Variants in FSTL5 observed in about 807,000 individuals in gnomAD.
FSTL5 encodes the protein follistatin like 5.
In FSTL5, 62 loss-of-function variants were observed where a neutral mutation model predicts 89.1. That is an observed-to-expected ratio of 0.70 (90% CI 0.57 to 0.86). The LOEUF is 0.86. Ranked by LOEUF, FSTL5 falls within the 40% of genes least tolerant of loss-of-function variation. The pLI is 0.00. For synonymous variants in FSTL5, 383 were observed against 346.2 expected (o/e 1.11, Z -1.18); for missense variants, 1,057 against 1,001.6 (o/e 1.06, Z -0.75).
intron 2 of FSTL5, among the ~76,000 whole-genome samples, chr4:162,057,963 T>C (rs540614996): frequency 1.3e-5 from 2 of 151,868 alleles, no homozygotes; most frequent in South Asian, 4.2e-4. Flanking sequence ...AAAATAATAA[T>C]AATAATAATT....
intron 12 of FSTL5, among the ~76,000 whole-genome samples, chr4:161,488,576 T>C (rs1017163691): frequency 1.2e-4 from 18 of 152,116 alleles, no homozygotes; most frequent in African/African-American, 4.3e-4. Flanking sequence ...TGCACTTATA[T>C]TATCTGTGCA....
chr4:161,564,075 T>C (rs1732711732), intron 8 of FSTL5, among the ~76,000 whole-genome samples: 1 of 151,886 alleles, frequency 6.6e-6, no homozygotes, highest in Non-Finnish European at 1.5e-5. Context: ...TATAAACATT[T>C]GATATTAATT....
chr4:161,602,385 T>C (rs983623732), intron 7 of FSTL5, among the ~76,000 whole-genome samples: 5 of 151,872 alleles, frequency 3.3e-5, no homozygotes, highest in African/African-American at 9.7e-5. Context: ...TGAATGGACA[T>C]TATTGAAACT....
intron 4 of FSTL5, among the ~76,000 whole-genome samples, chr4:161,868,971 C>T (rs1200467659): frequency 6.6e-6 from 1 of 152,086 alleles, no homozygotes; most frequent in African/African-American, 2.4e-5. Context: ...CCAGTAATCC[C>T]AGCAATTTGG....
intron 6 of FSTL5, among the ~76,000 whole-genome samples, chr4:161,693,020 C>G (rs1738000415): frequency 6.6e-6 from 1 of 152,126 alleles, no homozygotes; most frequent in Non-Finnish European, 1.5e-5. Context: ...CTACGCCCAG[C>G]CACTTGTATC....
At chr4:161,765,064 T>A (rs1268407532) in intron 5 of FSTL5, among the ~76,000 whole-genome samples, 1 of 152,192 alleles carries the variant, frequency 6.6e-6, no homozygotes, top group Non-Finnish European at 1.5e-5. Flanking sequence ...CTTTAGCTAA[T>A]GGCAGGGAAA....
intron 4 of FSTL5, among the ~76,000 whole-genome samples, chr4:161,854,555 T>C (rs1731661467): frequency 6.6e-6 from 1 of 152,168 alleles, no homozygotes; most frequent in African/African-American, 2.4e-5. Context: ...TGATTATCCA[T>C]AGGGATTACT....
intron 13 of FSTL5, among the ~76,000 whole-genome samples, chr4:161,471,889 T>C (rs1202035510): frequency 2.0e-5 from 3 of 152,188 alleles, no homozygotes; most frequent in African/African-American, 7.2e-5. Flanking sequence ...ATTGGTATAA[T>C]AGTAATGGCC....
At chr4:161,550,620 A>T (rs1198147753) in intron 8 of FSTL5, among the ~76,000 whole-genome samples, 1 of 150,888 alleles carries the variant, frequency 6.6e-6, no homozygotes, top group Non-Finnish European at 1.5e-5. Context: ...TTTAGGGTAC[A>T]TGAGCACATT....
At chr4:161,724,335 C>T (rs998743675) in intron 6 of FSTL5, among the ~76,000 whole-genome samples, 1 of 151,976 alleles carries the variant, frequency 6.6e-6, no homozygotes, top group Non-Finnish European at 1.5e-5. Flanking sequence ...AAAAAGATCT[C>T]CTGGAACTAA....
intron 4 of FSTL5, among the ~76,000 whole-genome samples, chr4:161,918,466 G>A (rs1733898263): frequency 6.6e-6 from 1 of 151,926 alleles, no homozygotes; most frequent in East Asian, 1.9e-4. Flanking sequence ...AATATGTTTG[G>A]TATAAGCTCA....
intron 3 of FSTL5, among the ~76,000 whole-genome samples, chr4:161,991,580 A>G (rs1736113346): frequency 6.6e-6 from 1 of 152,200 alleles, no homozygotes; most frequent in African/African-American, 2.4e-5. Context: ...TGACTTATAC[A>G]GGGATTCTTT....
intron 6 of FSTL5, among the ~76,000 whole-genome samples, chr4:161,728,628 C>G (rs1739502755): frequency 6.6e-6 from 1 of 151,936 alleles, no homozygotes; most frequent in Admixed American, 6.6e-5. Context: ...CAATATTCAA[C>G]CCTAATACTG....
At chr4:161,854,796 T>C (rs1181629739) in intron 4 of FSTL5, among the ~76,000 whole-genome samples, 1 of 152,080 alleles carries the variant, frequency 6.6e-6, no homozygotes, top group Admixed American at 6.6e-5. Context: ...TTTATATATA[T>C]ATACCTTTAC....
intron 7 of FSTL5, among the ~76,000 whole-genome samples, chr4:161,637,960 T>G (rs1036145048): frequency 2.0e-5 from 3 of 150,834 alleles, no homozygotes; most frequent in Admixed American, 6.6e-5. Context: ...CTTTTTTGGT[T>G]CCATATGAAC....
At chr4:161,856,685 T>C (rs1038768928) in intron 4 of FSTL5, among the ~76,000 whole-genome samples, 4 of 151,386 alleles carry the variant, frequency 2.6e-5, no homozygotes, top group African/African-American at 9.7e-5. Flanking sequence ...TATAAATATG[T>C]ATATATGTAT....
intron 13 of FSTL5, among the ~76,000 whole-genome samples, chr4:161,465,396 A>T (rs1733717163): frequency 2.0e-5 from 3 of 152,110 alleles, no homozygotes; most frequent in African/African-American, 7.2e-5. Context: ...AGCATTAGTT[A>T]TGTGCTCATA....
At chr4:161,734,821 G>T (rs1739732417) in intron 6 of FSTL5, among the ~76,000 whole-genome samples, 1 of 151,956 alleles carries the variant, frequency 6.6e-6, no homozygotes, top group Non-Finnish European at 1.5e-5. Context: ...CCCCAGCCAG[G>T]TATCCTCCAA....
At chr4:161,549,939 G>C (rs935319296) in intron 8 of FSTL5, among the ~76,000 whole-genome samples, 2 of 151,862 alleles carry the variant, frequency 1.3e-5, no homozygotes, top group Non-Finnish European at 2.9e-5. Flanking sequence ...CAATCCTCCA[G>C]ACTTACTAAA....
Sources: gnomAD v4.1 joint callset for allele counts (sites outside exome capture counted in the v4.1 genomes callset) on GRCh38, gnomAD v4.1.1 for gene constraint, MANE v1.5 for transcripts, NCBI Gene and HGNC (gene_info 2026-07-23, HGNC 2026-07-21) for gene names.